Variants in CBFB observed in about 807,000 individuals in gnomAD.
CBFB encodes the protein CBF-beta.
In CBFB, 9 loss-of-function variants were observed where a neutral mutation model predicts 30.4. That is an observed-to-expected ratio of 0.30 (90% CI 0.18 to 0.52). The LOEUF (loss-of-function observed/expected upper bound fraction) is 0.52, where lower values mean the gene tolerates loss of function less well. Among genes scored for constraint, CBFB ranks in the 20% least tolerant of loss-of-function variants. CBFB has a pLI of 0.97. For missense variants in CBFB, 170 were observed against 244.0 expected, an observed-to-expected ratio of 0.70 and a Z score of 2.02; for synonymous variants, 94 against 84.0, an observed-to-expected ratio of 1.12 and a Z score of -0.65.
chr16:67,032,046 G>A (rs532858767), intron 2 of CBFB, among the ~76,000 whole-genome samples: 1 of 152,110 alleles, frequency 6.6e-6, no homozygotes, highest in South Asian at 2.1e-4. Context: ...TTGGAAATTT[G>A]GTGAATCATA....
At position 67,100,395 on chromosome 16, in the gene CBFB, T is replaced by C. The variant is rs1312708128; in HGVS notation, c.*1617T>C. On this transcript the variant is annotated 3_prime_UTR_variant, in exon 6 of 6. Coordinates refer to ENST00000412916, the MANE Select transcript of CBFB (RefSeq NM_022845.3). ...AGTATTTGTTATATATTTGAAGTTA[T>C]GCATGGAAAGGAGTGTGTTTAAATT... is the stretch of plus-strand genomic sequence containing the variant. 9.0e-6 allele frequency: 2 copies of C among 222,976 alleles called. No individual in the cohort carries two copies. The highest frequency in any genetic ancestry group is 9.0e-6 in the Non-Finnish European group (1 of 111,460). The allele number at this position is 222,976 out of a possible 1,614,324, so 13.8% of individuals were successfully genotyped here. A position where few individuals can be genotyped will look rare whatever the true frequency, so the allele number is the denominator to read the frequency against.
intron 4 of CBFB, among the ~76,000 whole-genome samples, chr16:67,072,755 C>G (rs1471423480): frequency 1.3e-5 from 2 of 151,508 alleles, no homozygotes; most frequent in Non-Finnish European, 2.9e-5. Context: ...CGTGAGCCAC[C>G]ATGCCCGGCC....
chr16:67,045,349 C>T (rs1339943085), intron 3 of CBFB, among the ~76,000 whole-genome samples: 1 of 152,000 alleles, frequency 6.6e-6, no homozygotes, highest in Non-Finnish European at 1.5e-5. Context: ...AACCCCACCT[C>T]TACTAAAAAT....
intron 3 of CBFB, among the ~76,000 whole-genome samples, chr16:67,065,641 G>A (rs1961030007): frequency 6.6e-6 from 1 of 152,188 alleles, no homozygotes; most frequent in African/African-American, 2.4e-5. Context: ...GCCTCCCAAA[G>A]TACTGGGATA....
chr16:67,072,399 A>G (rs551404081), intron 4 of CBFB, among the ~76,000 whole-genome samples: 1 of 152,200 alleles, frequency 6.6e-6, no homozygotes, highest in African/African-American at 2.4e-5. Flanking sequence ...TTAGTCTCTT[A>G]TTTATATCTG....
intron 3 of CBFB, among the ~76,000 whole-genome samples, chr16:67,042,535 C>G (rs150186918): frequency 6.6e-6 from 1 of 152,274 alleles, no homozygotes; most frequent in East Asian, 1.9e-4. Flanking sequence ...TCCTTGTGCC[C>G]CTTTGCAGGA....
At chr16:67,032,639 C>T (rs922686086) in intron 2 of CBFB, among the ~76,000 whole-genome samples, 18 of 152,170 alleles carry the variant, frequency 1.2e-4, no homozygotes, top group African/African-American at 3.9e-4. Context: ...TTCACAATAC[C>T]TTTTATATCA....
intron 3 of CBFB, among the ~76,000 whole-genome samples, chr16:67,055,491 G>A (rs1184645080): frequency 3.4e-5 from 5 of 148,728 alleles, no homozygotes; most frequent in African/African-American, 1.2e-4. Context: ...TCAGCCTACT[G>A]AGTAGGTGCC....
chr16:67,068,939 C>T (rs972700781), intron 4 of CBFB, among the ~76,000 whole-genome samples: 1 of 151,870 alleles, frequency 6.6e-6, no homozygotes, highest in African/African-American at 2.4e-5. Flanking sequence ...TGAGGCTGGC[C>T]GTGGTTGGCT....
intron 4 of CBFB, among the ~76,000 whole-genome samples, chr16:67,068,093 G>C (rs1317219890): frequency 1.3e-5 from 2 of 152,214 alleles, no homozygotes; most frequent in East Asian, 3.8e-4. Context: ...ATGGAAGTCT[G>C]CTGACTCAAG....
At chr16:67,055,550 G>C (rs1255097702) in intron 3 of CBFB, among the ~76,000 whole-genome samples, 2 of 151,508 alleles carry the variant, frequency 1.3e-5, no homozygotes, top group Non-Finnish European at 2.9e-5. Flanking sequence ...TAGAGATGGG[G>C]TTTCACTGTG....
In CBFB at chr16:67,079,828, G is replaced by A. The variant is rs577031933; in HGVS notation, c.400-2385G>A. ...TTCTGGTATTGTTTTGGATCTTTTC[G>A]TTTCTTCAAGTGTACCATCAAAAAT... On this transcript the variant is annotated intron_variant, in intron 4 of 5. Transcript: ENST00000412916. Among the ~76,000 whole-genome samples, 51 of 152,202 alleles carry A rather than the reference G, an allele frequency of 3.4e-4. No homozygotes were observed. In the South Asian group the frequency reaches 9.5e-3, roughly 28 times the overall value.
intron 2 of CBFB, among the ~76,000 whole-genome samples, chr16:67,031,057 A>G (rs533324566): frequency 1.3e-5 from 2 of 152,208 alleles, no homozygotes; most frequent in Non-Finnish European, 2.9e-5. Context: ...CCCCCTTTAT[A>G]AAACCAGTTT....
chr16:67,060,806 C>T lies in CBFB; in HGVS notation c.283-5876C>T, dbSNP rs566052516. ...CTGACCTCAGATGATCTGCCCATCT[C>T]GCCTCCCACAGTGCTGGAATTAACA... On this transcript the variant is annotated intron_variant, in intron 3 of 5. Transcript: ENST00000412916. 1.1e-4 allele frequency among the ~76,000 whole-genome samples: 16 copies of T among 152,280 alleles called. No individual in the cohort carries two copies. In the East Asian group the frequency reaches 1.9e-3, roughly 18 times the overall value.
intron 3 of CBFB, among the ~76,000 whole-genome samples, chr16:67,040,295 T>C (rs1966508426): frequency 6.6e-6 from 1 of 152,278 alleles, no homozygotes; most frequent in African/African-American, 2.4e-5. Flanking sequence ...CAGTGTCTTC[T>C]TCCATATTCT....
chr16:67,082,141 AAAAAC>A lies in CBFB; in HGVS notation c.400-66_400-62del, dbSNP rs1171658859. On this transcript the variant is annotated intron_variant, in intron 4 of 5. Transcript: ENST00000412916. ...GCCACTGTTTCAGGAAAAAAAAAAA[AAAAAC>A]AAAACCCAAATATTGTATTTTTTTT... 1.4e-5 allele frequency: 18 copies of A among 1,316,224 alleles called. No homozygotes were observed. The African/African-American group carries it at 2.0e-4, about 14-fold the overall frequency. 81.5% of individuals were successfully genotyped at this position (1,316,224 alleles called of 1,614,324 possible).
At chr16:67,079,750 G>A (rs1382172830) in intron 4 of CBFB, among the ~76,000 whole-genome samples, 3 of 152,104 alleles carry the variant, frequency 2.0e-5, no homozygotes, top group Non-Finnish European at 2.9e-5. Flanking sequence ...ACTGAGTTAC[G>A]TGGCCACCCC....
intron 3 of CBFB, among the ~76,000 whole-genome samples, chr16:67,066,393 C>CAGAAAAAAAA (rs1961054633): frequency 1.0e-5 from 1 of 96,082 alleles, no homozygotes; most frequent in African/African-American, 5.7e-5. Context: ...ACTAAAAATA[C>CAGAAAAAAAA]AAAAAAAAAA....
rs1966285348 is a variant in CBFB, at chr16:67,029,298, G to A, written c.-110G>A. On this transcript the variant is annotated 5_prime_UTR_variant, in exon 1 of 6. Transcript: ENST00000412916. ...GCGGGCGCCTGAAACAAAGGGAAGCGGGCGTCCGGGCGCCGCGGGTGGGCG... is the reference window on the plus strand; with the variant it reads ...GCGGGCGCCTGAAACAAAGGGAAGCAGGCGTCCGGGCGCCGCGGGTGGGCG... The A allele has an allele frequency of 3.1e-6, 2 of 654,554 alleles. No individual in the cohort carries two copies. Among genetic ancestry groups the A allele is most frequent in the Admixed American group, 9.4e-5 (2 of 21,328 alleles). The allele number at this position is 654,554 out of a possible 1,614,324, so 40.5% of individuals were successfully genotyped here. A position where few individuals can be genotyped will look rare whatever the true frequency, so the allele number is the denominator to read the frequency against.
Sources: allele counts gnomAD v4.1 joint callset (sites outside exome capture counted in the v4.1 genomes callset), GRCh38; gene constraint gnomAD v4.1.1; transcripts MANE v1.5; gene names NCBI Gene and HGNC (gene_info 2026-07-23, HGNC 2026-07-21).